HIVEP2: variants seen among roughly 807,000 people sequenced by gnomAD.
HIVEP2 encodes the protein transcription factor HIVEP2.
In HIVEP2, 14 loss-of-function variants were observed where a neutral mutation model predicts 180.7. The ratio of observed to expected loss-of-function variants is 0.08; its 90% CI spans 0.05 to 0.12. The LOEUF (loss-of-function observed/expected upper bound fraction) is 0.12. HIVEP2 is among the 10% of genes least tolerant of loss of function. The pLI, the probability that HIVEP2 is intolerant of heterozygous loss-of-function variation, is 1.00. For missense variants in HIVEP2, 2,579 were observed against 3,008.5 expected, an observed-to-expected ratio of 0.86 and a Z score of 3.34; for synonymous variants, 1,184 against 1,136.4, an observed-to-expected ratio of 1.04 and a Z score of -0.84.
intron 1 of HIVEP2, among the ~76,000 whole-genome samples, chr6:142,896,549 T>C (rs1777000104): frequency 6.6e-6 from 1 of 152,152 alleles, no homozygotes; most frequent in Non-Finnish European, 1.5e-5. Flanking sequence ...CTCAGCACTC[T>C]CTGCCATTTC....
chr6:142,848,235 T>C (rs1252478469), intron 1 of HIVEP2, among the ~76,000 whole-genome samples: 1 of 152,212 alleles, frequency 6.6e-6, no homozygotes, highest in East Asian at 1.9e-4. Flanking sequence ...GTGGTATGAT[T>C]AGCACACAAA....
intron 9 of HIVEP2, among the ~76,000 whole-genome samples, chr6:142,757,653 T>C (rs565584285): frequency 1.7e-4 from 26 of 151,872 alleles, no homozygotes; most frequent in African/African-American, 6.3e-4. Context: ...CGAGACTCCA[T>C]CTCAAAATAA....
intron 2 of HIVEP2, among the ~76,000 whole-genome samples, chr6:142,804,106 C>T (rs1776485280): frequency 6.6e-6 from 1 of 152,132 alleles, no homozygotes; most frequent in Non-Finnish European, 1.5e-5. Context: ...AAGCACAATG[C>T]CAGTGTATTT....
chr6:142,769,704 T>C lies in HIVEP2; in HGVS notation c.5035A>G (p.Asn1679Asp). The change falls in exon 5 of 10, where the codon AAT becomes GAT. Residue 1679 changes from asparagine to aspartate, a missense_variant. Asn to Asp is a conservative substitution (Grantham distance 23). This residue lies in a region of HIVEP2 where 349 missense variants were observed against 367.2 expected (regional missense o/e 0.95). Coordinates refer to ENST00000367603, the MANE Select transcript of HIVEP2 (RefSeq NM_006734.4). ...VYASWCISSCNPNPSGLNTKT... is the reference protein window; with the variant it reads ...VYASWCISSCDPNPSGLNTKT... ...GTGTTCAATCCTGATGGGTTTGGAT[T>C]ACAGGAACTAATGCACCATGAAGCA... The C allele has an allele frequency of 6.2e-7, 1 of 1,614,210 alleles. No individual in the cohort carries two copies. Among genetic ancestry groups the C allele is most frequent in the African/African-American group, 1.3e-5 (1 of 75,044 alleles).
chr6:142,941,738 C>A (rs1291527641), intron 1 of HIVEP2, among the ~76,000 whole-genome samples: 1 of 152,180 alleles, frequency 6.6e-6, no homozygotes, highest in Non-Finnish European at 1.5e-5. Flanking sequence ...TATAATATCA[C>A]TTTAAAAGTT....
At chr6:142,926,099 T>C (rs949562222) in intron 1 of HIVEP2, among the ~76,000 whole-genome samples, 8 of 152,238 alleles carry the variant, frequency 5.3e-5, no homozygotes, top group Admixed American at 3.3e-4. Flanking sequence ...TTCTTAAATA[T>C]AGTTCTAAAG....
chr6:142,862,852 A>T (rs1475120886), intron 1 of HIVEP2, among the ~76,000 whole-genome samples: 7 of 133,288 alleles, frequency 5.3e-5, no homozygotes, highest in Non-Finnish European at 1.1e-4. Flanking sequence ...ATATTTATTT[A>T]TATATAATAT....
chr6:142,825,131 A>G (rs1387358238), intron 2 of HIVEP2, among the ~76,000 whole-genome samples: 1 of 152,234 alleles, frequency 6.6e-6, no homozygotes, highest in Non-Finnish European at 1.5e-5. Context: ...TTAGAAGCTT[A>G]GAGGAAGGAT....
chr6:142,940,752 C>T (rs910311061), intron 1 of HIVEP2, among the ~76,000 whole-genome samples: 3 of 152,162 alleles, frequency 2.0e-5, no homozygotes, highest in African/African-American at 7.2e-5. Context: ...CATTGACCAG[C>T]AATAACAGGG....
At chr6:142,877,729 GGAGACTTCCT>G (rs1776480807) in intron 1 of HIVEP2, among the ~76,000 whole-genome samples, 1 of 152,130 alleles carries the variant, frequency 6.6e-6, no homozygotes, top group East Asian at 1.9e-4. Flanking sequence ...AGAAAAATTA[GGAGACTTCCT>G]GAGATCACAG....
At position 142,753,352 on chromosome 6, in the gene HIVEP2, G is replaced by T; in HGVS notation, c.7096C>A (p.His2366Asn). The T allele has an allele frequency of 6.2e-7, 1 of 1,614,120 alleles. No homozygotes were observed. Among genetic ancestry groups the T allele is most frequent in the Non-Finnish European group, 8.5e-7 (1 of 1,180,028 alleles). The change falls in exon 10 of 10, where the codon CAT (histidine) becomes AAT (asparagine). Residue 2366 changes from histidine (H) to asparagine (N), a missense_variant. By Grantham distance (68) the His-to-Asn change is moderately conservative. Around this residue, in one of 11 missense-constraint regions of HIVEP2, gnomAD observed 660 missense variants for 731.7 expected, o/e 0.90. Coordinates refer to ENST00000367603, the MANE Select transcript of HIVEP2 (RefSeq NM_006734.4). The part of the protein sequence containing the change: ...EPHQNPLGSA[H>N]VSIRHFSRPE... The stretch of plus-strand genomic sequence containing the variant: ...CTACTAAAGTGTCTAATGCTAACAT[G>T]TGCACTTCCCAGGGGGTTCTGGTGG...
intron 1 of HIVEP2, among the ~76,000 whole-genome samples, chr6:142,879,395 G>A (rs1776525477): frequency 6.6e-6 from 1 of 152,144 alleles, no homozygotes; most frequent in Admixed American, 6.6e-5. Flanking sequence ...CATGGATGTT[G>A]AATGTTGAGC....
At chr6:142,769,513 T>C (rs749378044) in intron 5 of HIVEP2, 39 bp downstream of exon 5, 1 of 1,551,144 alleles carries the variant, frequency 6.4e-7, no homozygotes, top group South Asian at 1.1e-5. Flanking sequence ...AGCAATCAAA[T>C]CCACAATACA....
At chr6:142,890,069 A>C (rs1776815789) in intron 1 of HIVEP2, among the ~76,000 whole-genome samples, 1 of 152,214 alleles carries the variant, frequency 6.6e-6, no homozygotes, top group Non-Finnish European at 1.5e-5. Flanking sequence ...CAAGGATTCA[A>C]GTGCCAGTGT....
intron 1 of HIVEP2, among the ~76,000 whole-genome samples, chr6:142,929,867 A>G (rs1175677266): frequency 6.6e-6 from 1 of 152,186 alleles, no homozygotes; most frequent in African/African-American, 2.4e-5. Context: ...CCACATTTTC[A>G]TAGACTTTGA....
intron 2 of HIVEP2, among the ~76,000 whole-genome samples, chr6:142,832,531 T>G (rs1359170153): frequency 6.6e-6 from 1 of 152,158 alleles, no homozygotes; most frequent in East Asian, 1.9e-4. Context: ...GTCAGTAAAG[T>G]GCATTAACCC....
intron 1 of HIVEP2, among the ~76,000 whole-genome samples, chr6:142,866,492 G>T (rs961103939): frequency 6.6e-6 from 1 of 151,252 alleles, no homozygotes; most frequent in Non-Finnish European, 1.5e-5. Context: ...TTCTTGTAGC[G>T]TTAGGTCAGT....
chr6:142,838,508 A>C (rs1331462214), intron 1 of HIVEP2, among the ~76,000 whole-genome samples: 1 of 152,174 alleles, frequency 6.6e-6, no homozygotes, highest in Non-Finnish European at 1.5e-5. Flanking sequence ...GAATATCTAG[A>C]GCGGCGAAAA....
At chr6:142,921,913 C>A (rs1023171272) in intron 1 of HIVEP2, among the ~76,000 whole-genome samples, 2 of 152,198 alleles carry the variant, frequency 1.3e-5, no homozygotes. Context: ...TACATGCTGG[C>A]AATTTCCTAA....
Sources: gnomAD v4.1 joint callset for allele counts (sites outside exome capture counted in the v4.1 genomes callset) on GRCh38, gnomAD v4.1.1 for gene constraint, gnomAD v4.1.1 regional missense constraint, MANE v1.5 for transcripts, NCBI Gene and HGNC (gene_info 2026-07-23, HGNC 2026-07-21) for gene names.